ADAMTS20: variants seen among roughly 807,000 people sequenced by gnomAD.
The protein encoded by ADAMTS20 is A disintegrin and metalloproteinase with thrombospondin motifs 20.
A neutral mutation model predicts 260.1 loss-of-function variants in ADAMTS20; 225 were observed. That is an observed-to-expected ratio of 0.87 (90% CI 0.78 to 0.97). The LOEUF is 0.97. Ranked by LOEUF, ADAMTS20 falls within the 50% of genes least tolerant of loss-of-function variation. The pLI is 0.00. For synonymous variants in ADAMTS20, 802 were observed against 769.5 expected (o/e 1.04, Z -0.70); for missense variants, 2,400 against 2,337.7 (o/e 1.03, Z -0.55).
chr12:43,425,643 A>G lies in ADAMTS20; in HGVS notation c.4155T>C (p.Cys1385=). 2 of 1,610,116 alleles carry G rather than the reference A, an allele frequency of 1.2e-6. No individual in the cohort carries two copies. The highest frequency in any genetic ancestry group is 2.2e-5 in the South Asian group (2 of 90,474). ...CTAATATTTGGCCATTGGGAAATTG[A>G]CATATTACAAGTCTTGATTTTATTC... ...GGGIKSRLVI[C]QFPNGQILED... Residue 1385 remains cysteine (C), a synonymous_variant, in exon 28 of 39, where the codon TGT becomes TGC. Coordinates refer to ENST00000389420, the MANE Select transcript of ADAMTS20 (RefSeq NM_025003.5).
In ADAMTS20 at chr12:43,502,301, C is replaced by T; in HGVS notation, c.718G>A (p.Val240Ile). The T allele has an allele frequency of 1.2e-6, 2 of 1,612,096 alleles. No individual in the cohort carries two copies. The highest frequency in any genetic ancestry group is 8.5e-7 in the Non-Finnish European group (1 of 1,179,252). Residue 240 changes from valine (V) to isoleucine (I), a missense_variant, in exon 4 of 39, where the codon GTA (valine) becomes ATA (isoleucine). Val to Ile is a conservative substitution (Grantham distance 29). Coordinates refer to ENST00000389420, the MANE Select transcript of ADAMTS20 (RefSeq NM_025003.5). ...ERVLGHTSKNVPLKDERRHSR... is the reference protein window; with the variant it reads ...ERVLGHTSKNIPLKDERRHSR... ...TGTCTTCTTTCATCTTTCAATGGTA[C>T]ATTTTTTGATGTGTGTCCTAAAACT...
At chr12:43,455,162 T>C (rs1283442850) in intron 11 of ADAMTS20, among the ~76,000 whole-genome samples, 1 of 152,240 alleles carries the variant, frequency 6.6e-6, no homozygotes, top group Non-Finnish European at 1.5e-5. Flanking sequence ...AGTCTTCATG[T>C]GACTGGCTTA....
chr12:43,489,270 A>ATT (rs1233195523), intron 7 of ADAMTS20, among the ~76,000 whole-genome samples: 2 of 152,038 alleles, frequency 1.3e-5, no homozygotes, highest in Non-Finnish European at 2.9e-5. Flanking sequence ...AGGTTTATAA[A>ATT]TTCAGCTACA....
chr12:43,542,115 C>T (rs1943384496), intron 2 of ADAMTS20, among the ~76,000 whole-genome samples: 1 of 152,052 alleles, frequency 6.6e-6, no homozygotes, highest in Non-Finnish European at 1.5e-5. Flanking sequence ...GTCATATGAA[C>T]TAATTAAAAA....
At chr12:43,521,742 C>A (rs1289878863) in intron 3 of ADAMTS20, among the ~76,000 whole-genome samples, 1 of 151,994 alleles carries the variant, frequency 6.6e-6, no homozygotes, top group Non-Finnish European at 1.5e-5. Context: ...GGGTAAGCAA[C>A]AAAATCCTTA....
chr12:43,430,400 C>T lies in ADAMTS20; in HGVS notation c.3333G>A (p.Val1111=). 1 of 1,613,110 alleles carries T rather than the reference C, an allele frequency of 6.2e-7. No individual in the cohort carries two copies. Among genetic ancestry groups the T allele is most frequent in the Non-Finnish European group, 8.5e-7 (1 of 1,179,406 alleles). Residue 1111 remains valine, a synonymous_variant, in exon 23 of 39, where the codon GTG becomes GTA. Transcript: ENST00000389420. Reference sequence around the variant, plus strand: ...CTTCATGGCATTCTGTGTCCTCTAACACTGCACTAGCTAGCTCATTGACAC... The same window carrying T: ...CTTCATGGCATTCTGTGTCCTCTAATACTGCACTAGCTAGCTCATTGACAC... The part of the protein sequence containing the change: ...VKCVNELASA[V]LEDTECHEAS...
intron 28 of ADAMTS20, among the ~76,000 whole-genome samples, chr12:43,408,872 A>G (rs1449375978): frequency 6.6e-6 from 1 of 152,216 alleles, no homozygotes; most frequent in East Asian, 1.9e-4. Flanking sequence ...ATTTGGTGTC[A>G]GAGGCCTACA....
At chr12:43,432,032 C>A (rs546587591) in intron 21 of ADAMTS20, among the ~76,000 whole-genome samples, 1 of 151,894 alleles carries the variant, frequency 6.6e-6, no homozygotes, top group Non-Finnish European at 1.5e-5. Context: ...TGTGTGTCAC[C>A]ACATCCAGCT....
intron 11 of ADAMTS20, among the ~76,000 whole-genome samples, chr12:43,457,403 T>A (rs1236180157): frequency 6.6e-6 from 1 of 152,208 alleles, no homozygotes; most frequent in Non-Finnish European, 1.5e-5. Context: ...CTCTCCAGGC[T>A]CATATCTTGG....
intron 37 of ADAMTS20, among the ~76,000 whole-genome samples, chr12:43,367,844 A>G (rs1940020399): frequency 6.6e-6 from 1 of 152,036 alleles, no homozygotes. Flanking sequence ...AGAATTCAAG[A>G]TCAATCCATA....
chr12:43,409,574 CCTGGG>C (rs1168206607), intron 28 of ADAMTS20, among the ~76,000 whole-genome samples: 8 of 115,872 alleles, frequency 6.9e-5, no homozygotes, highest in Non-Finnish European at 1.1e-4. Flanking sequence ...TGCACTCCAG[CCTGGG>C]CGACAGAGCG....
At chr12:43,357,212 T>C (rs1939765275) in intron 37 of ADAMTS20, among the ~76,000 whole-genome samples, 1 of 152,192 alleles carries the variant, frequency 6.6e-6, no homozygotes, top group Non-Finnish European at 1.5e-5. Flanking sequence ...AACATTTGTG[T>C]CATATTTATA....
At position 43,383,939 on chromosome 12, in the gene ADAMTS20, A is replaced by G. The variant is rs1940413814; in HGVS notation, c.4491T>C (p.Asp1497=). 1 of 1,613,788 alleles carries G rather than the reference A, an allele frequency of 6.2e-7. No individual in the cohort carries two copies. Among genetic ancestry groups the G allele is most frequent in the South Asian group, 1.1e-5 (1 of 91,076 alleles). The part of the protein sequence containing the change: ...VTCGSGVQQR[D]VYCRLKGVGQ... ...CAACACCTTTCAGTCTGCAGTATAC[A>G]TCCCTCTGCTGAACTCCAGAGCCAC... Residue 1497 remains aspartate, a synonymous_variant, in exon 30 of 39, where the codon GAT becomes GAC. Coordinates refer to ENST00000389420, the MANE Select transcript of ADAMTS20 (RefSeq NM_025003.5).
chr12:43,447,405 C>T (rs957089682), intron 14 of ADAMTS20, among the ~76,000 whole-genome samples: 4 of 152,096 alleles, frequency 2.6e-5, no homozygotes, highest in Non-Finnish European at 4.4e-5. Flanking sequence ...ATGATTATCT[C>T]AATAGATGCA....
At chr12:43,446,775 T>C in intron 14 of ADAMTS20, 63 bp from the exon 15 acceptor site, 3 of 1,291,326 alleles carry the variant, frequency 2.3e-6, no homozygotes, top group Non-Finnish European at 3.3e-6. Flanking sequence ...AGAGAGAAGA[T>C]CCAAATACAT....
intron 3 of ADAMTS20, among the ~76,000 whole-genome samples, chr12:43,521,565 C>G (rs945841748): frequency 1.3e-5 from 2 of 152,090 alleles, no homozygotes; most frequent in Admixed American, 1.3e-4. Context: ...ATTCAGTCTC[C>G]CCACCTTCGG....
At position 43,466,070 on chromosome 12, in the gene ADAMTS20, G is replaced by A. The variant is rs1197636402; in HGVS notation, c.1367+582C>T. On this transcript the variant is annotated intron_variant, in intron 9 of 38. Transcript: ENST00000389420. ...AAACACCATTTGGATAAAAGAAATT[G>A]GGAAGCAGAGAAACCTGAAGGAAGG... 3.3e-5 allele frequency among the ~76,000 whole-genome samples: 5 copies of A among 151,966 alleles called. No homozygotes were observed. In the East Asian group the frequency reaches 9.6e-4, roughly 29 times the overall value.
chr12:43,383,475 T>C (rs1940398059), intron 31 of ADAMTS20, 83 bp downstream of exon 31: 1 of 1,371,072 alleles, frequency 7.3e-7, no homozygotes, highest in South Asian at 1.5e-5. Context: ...TCAAATTTTA[T>C]ACCCAGTTTC....
intron 3 of ADAMTS20, among the ~76,000 whole-genome samples, chr12:43,521,203 C>G (rs533624571): frequency 9.2e-5 from 14 of 152,234 alleles, no homozygotes; most frequent in African/African-American, 3.4e-4. Flanking sequence ...TTTGGTAAGA[C>G]CTAGAGAAGT....
Sources: gnomAD v4.1 joint callset for allele counts (sites outside exome capture counted in the v4.1 genomes callset) on GRCh38, gnomAD v4.1.1 for gene constraint, MANE v1.5 for transcripts, NCBI Gene and HGNC (gene_info 2026-07-23, HGNC 2026-07-21) for gene names.